The following RBFOX2 variants were observed in gnomAD, a reference collection of about 807,000 sequenced individuals.
RBFOX2 encodes the protein RNA binding protein fox-1 homolog 2.
In RBFOX2, 10 loss-of-function variants were observed where a neutral mutation model predicts 49.1. That is an observed-to-expected ratio of 0.20 (90% CI 0.13 to 0.35). RBFOX2 has a LOEUF of 0.35. Among genes scored for constraint, RBFOX2 ranks in the 10% least tolerant of loss-of-function variants. The pLI is 1.00. For synonymous variants in RBFOX2, 183 were observed against 187.4 expected (o/e 0.98, Z 0.19); for missense variants, 323 against 486.9 (o/e 0.66, Z 3.17).
intron 2 of RBFOX2, among the ~76,000 whole-genome samples, chr22:35,785,371 T>C (rs904100172): frequency 2.6e-5 from 4 of 152,218 alleles, no homozygotes; most frequent in African/African-American, 7.2e-5. Flanking sequence ...ATGAAGTGCA[T>C]GCCAAACCCG....
At chr22:35,822,531 T>A (rs994376683) in intron 1 of RBFOX2, among the ~76,000 whole-genome samples, 2 of 152,176 alleles carry the variant, frequency 1.3e-5, no homozygotes, top group Non-Finnish European at 2.9e-5. Flanking sequence ...AAAGGACTTG[T>A]TAGCTAGTAT....
At chr22:35,775,767 G>T (rs1943723363) in intron 4 of RBFOX2, among the ~76,000 whole-genome samples, 1 of 150,306 alleles carries the variant, frequency 6.7e-6, no homozygotes. Flanking sequence ...CTTGAACCCA[G>T]GAGGCGGAGG....
At chr22:35,934,835 G>A (rs2052866438) in intron 1 of RBFOX2, among the ~76,000 whole-genome samples, 1 of 152,092 alleles carries the variant, frequency 6.6e-6, no homozygotes, top group Admixed American at 6.6e-5. Flanking sequence ...CCTTAATCAA[G>A]GCCTGGGAAC....
chr22:35,895,856 A>G (rs1418173459), intron 1 of RBFOX2, among the ~76,000 whole-genome samples: 1 of 152,218 alleles, frequency 6.6e-6, no homozygotes, highest in Non-Finnish European at 1.5e-5. Flanking sequence ...ACTGTCTGCC[A>G]TGTTCCTGGT....
At chr22:35,881,146 T>TC (rs1413076457) in intron 1 of RBFOX2, among the ~76,000 whole-genome samples, 2 of 152,084 alleles carry the variant, frequency 1.3e-5, no homozygotes, top group African/African-American at 4.8e-5. Context: ...GCGCCTGTAG[T>TC]CCAGCCACTC....
At chr22:36,006,212 G>C (rs2058612823) in intron 1 of RBFOX2, among the ~76,000 whole-genome samples, 2 of 152,190 alleles carry the variant, frequency 1.3e-5, no homozygotes, top group Non-Finnish European at 2.9e-5. Flanking sequence ...AAACAACATT[G>C]TTACAGCATT....
At chr22:35,767,082 G>A (rs570492063) in intron 5 of RBFOX2, among the ~76,000 whole-genome samples, 2 of 152,228 alleles carry the variant, frequency 1.3e-5, no homozygotes, top group African/African-American at 4.8e-5. Context: ...CAGCCAAACT[G>A]GAGTTCAGTA....
chr22:35,897,436 G>A (rs761516434), intron 1 of RBFOX2: 81 of 854,370 alleles, frequency 9.5e-5, no homozygotes, highest in East Asian at 1.4e-4. Context: ...ATGTGAATAC[G>A]CTCCACTTTA....
exon 12 of RBFOX2, chr22:35,744,173 G>A (rs374999950): frequency 6.1e-5 from 97 of 1,601,160 alleles, no homozygotes; most frequent in Non-Finnish European, 7.8e-5. Flanking sequence ...TGAACTGGGG[G>A]GCTGTCCCAT....
chr22:35,949,514 T>A (rs987075194), intron 1 of RBFOX2, among the ~76,000 whole-genome samples: 1 of 152,232 alleles, frequency 6.6e-6, no homozygotes, highest in South Asian at 2.1e-4. Context: ...ATTTTAAATT[T>A]CCACCGGCAA....
At chr22:35,867,325 C>T (rs1167932913) in intron 1 of RBFOX2, among the ~76,000 whole-genome samples, 2 of 152,150 alleles carry the variant, frequency 1.3e-5, no homozygotes, top group Non-Finnish European at 2.9e-5. Flanking sequence ...ATCTACTTGG[C>T]ACTGAAATCC....
At chr22:35,954,537 C>G (rs999892804) in intron 1 of RBFOX2, among the ~76,000 whole-genome samples, 1 of 152,204 alleles carries the variant, frequency 6.6e-6, no homozygotes, top group Non-Finnish European at 1.5e-5. Context: ...CACCCCTGCC[C>G]AGCTTTCTTA....
At chr22:35,840,218 T>C in exon 1 of RBFOX2, 1 of 1,614,188 alleles carries the variant, frequency 6.2e-7, no homozygotes, top group African/African-American at 1.3e-5. Flanking sequence ...TTTTTCTCCA[T>C]AAACCAAACG....
intron 1 of RBFOX2, chr22:35,898,311 G>A: frequency 1.4e-6 from 1 of 732,682 alleles, no homozygotes; most frequent in Non-Finnish European, 2.6e-6. Context: ...TGGCAATGGA[G>A]TGGGCTGTGA....
At chr22:35,979,572 C>T (rs1027205839) in intron 1 of RBFOX2, among the ~76,000 whole-genome samples, 2 of 152,140 alleles carry the variant, frequency 1.3e-5, no homozygotes, top group Non-Finnish European at 2.9e-5. Flanking sequence ...CACAAACACA[C>T]AGAGTGAGCA....
chr22:35,829,289 A>G (rs1956364190), intron 1 of RBFOX2, among the ~76,000 whole-genome samples: 2 of 152,194 alleles, frequency 1.3e-5, no homozygotes, highest in East Asian at 3.9e-4. Flanking sequence ...ATTAATCACA[A>G]CTCACCCAGA....
chr22:35,744,118 C>T, exon 12 of RBFOX2: 1 of 1,197,620 alleles, frequency 8.3e-7, no homozygotes, highest in South Asian at 1.8e-5. Context: ...CTTCATCTTG[C>T]TATAGAGTTC....
upstream of RBFOX2, chr22:35,840,621 T>G: frequency 9.2e-7 from 1 of 1,084,066 alleles, no homozygotes; most frequent in South Asian, 3.1e-5. Context: ...CACGCGTGTG[T>G]GCGTGTGTGC....
intron 1 of RBFOX2, among the ~76,000 whole-genome samples, chr22:35,903,913 A>T (rs923835055): frequency 6.6e-6 from 1 of 151,170 alleles, no homozygotes; most frequent in African/African-American, 2.5e-5. Flanking sequence ...AGATCTTATC[A>T]CTCTCCTACT....
Sources: allele counts gnomAD v4.1 joint callset (sites outside exome capture counted in the v4.1 genomes callset), GRCh38; gene constraint gnomAD v4.1.1; transcripts MANE v1.5; gene names NCBI Gene and HGNC (gene_info 2026-07-23, HGNC 2026-07-21).